Variants in SYNDIG1 observed in about 807,000 individuals in gnomAD.
SYNDIG1 encodes synapse differentiation-inducing gene protein 1.
In SYNDIG1, 9 loss-of-function variants were observed where a neutral mutation model predicts 19.4. The observed-to-expected ratio is 0.46, with a 90% CI of 0.28 to 0.81. The LOEUF (loss-of-function observed/expected upper bound fraction) is 0.81, where lower values mean the gene tolerates loss of function less well. Among genes scored for constraint, SYNDIG1 ranks in the 30% least tolerant of loss-of-function variants. SYNDIG1 has a pLI of 0.12. For missense variants in SYNDIG1, 311 were observed against 343.3 expected, an observed-to-expected ratio of 0.91 and a Z score of 0.74; for synonymous variants, 141 against 145.9, an observed-to-expected ratio of 0.97 and a Z score of 0.24.
At chr20:24,601,358 T>C (rs544855209) in intron 3 of SYNDIG1, among the ~76,000 whole-genome samples, 112 of 152,350 alleles carry the variant, frequency 7.4e-4, no homozygotes, top group Non-Finnish European at 1.3e-3. Context: ...TTCTGTTCTC[T>C]GAACATTTAT....
intron 1 of SYNDIG1, among the ~76,000 whole-genome samples, chr20:24,529,405 A>C (rs1255661958): frequency 6.6e-6 from 1 of 151,670 alleles, no homozygotes; most frequent in African/African-American, 2.4e-5. Flanking sequence ...GGAATCAGTA[A>C]AATTTTTCTG....
intron 3 of SYNDIG1, among the ~76,000 whole-genome samples, chr20:24,591,806 A>G (rs1045208388): frequency 6.6e-6 from 1 of 152,202 alleles, no homozygotes; most frequent in Non-Finnish European, 1.5e-5. Context: ...CGGTGCCCCC[A>G]CCATCAATGC....
At chr20:24,485,047 C>T (rs1171242595) in intron 1 of SYNDIG1, among the ~76,000 whole-genome samples, 1 of 152,062 alleles carries the variant, frequency 6.6e-6, no homozygotes, top group Non-Finnish European at 1.5e-5. Flanking sequence ...GTCTCTTTCC[C>T]TGCGTTTACA....
intron 2 of SYNDIG1, among the ~76,000 whole-genome samples, chr20:24,583,599 G>A (rs1026638253): frequency 6.6e-6 from 1 of 152,204 alleles, no homozygotes; most frequent in Non-Finnish European, 1.5e-5. Flanking sequence ...TTTTGATGAG[G>A]AAAGAGCCCA....
At chr20:24,648,479 A>C (rs1487661041) in intron 3 of SYNDIG1, among the ~76,000 whole-genome samples, 3 of 152,202 alleles carry the variant, frequency 2.0e-5, no homozygotes, top group African/African-American at 7.2e-5. Flanking sequence ...CTGTATCATC[A>C]CACATTTCGG....
At chr20:24,592,786 A>G (rs1052946517) in intron 3 of SYNDIG1, among the ~76,000 whole-genome samples, 1 of 151,932 alleles carries the variant, frequency 6.6e-6, no homozygotes, top group East Asian at 1.9e-4. Flanking sequence ...GCTAATTTCA[A>G]TATTTTGTAG....
chr20:24,597,991 C>A (rs1334425359), intron 3 of SYNDIG1, among the ~76,000 whole-genome samples: 1 of 152,194 alleles, frequency 6.6e-6, no homozygotes, highest in Non-Finnish European at 1.5e-5. Context: ...TGACATCAAT[C>A]GTTTTTTCAG....
chr20:24,542,736 A>G (rs80215967), intron 1 of SYNDIG1, among the ~76,000 whole-genome samples: 3,839 of 152,270 alleles, frequency 0.025, 174 homozygotes, highest in African/African-American at 0.087. Flanking sequence ...CTAGCAATCA[A>G]AGGTTCCTCT....
chr20:24,556,113 G>C (rs1283809822), intron 2 of SYNDIG1, among the ~76,000 whole-genome samples: 1 of 152,014 alleles, frequency 6.6e-6, no homozygotes. Context: ...TTTTATCAGA[G>C]AGTAGGATTG....
intron 2 of SYNDIG1, among the ~76,000 whole-genome samples, chr20:24,559,489 C>G (rs187149318): frequency 8.5e-5 from 13 of 152,178 alleles, no homozygotes; most frequent in Non-Finnish European, 1.9e-4. Flanking sequence ...AACAAACAAA[C>G]GACACAGGAT....
chr20:24,541,001 C>T (rs2146705602), intron 1 of SYNDIG1, among the ~76,000 whole-genome samples: 1 of 152,250 alleles, frequency 6.6e-6, no homozygotes, highest in East Asian at 1.9e-4. Flanking sequence ...TACAATTCAC[C>T]ACTGAAGCCA....
rs567244599 is a variant in SYNDIG1 at position 24,471,711 on chromosome 20, C to T, written c.-79+1958C>T. Among the ~76,000 whole-genome samples the T allele has an allele frequency of 1.6e-4, 25 of 151,866 alleles. No homozygotes were observed. The South Asian group carries it at 5.0e-3, about 30-fold the overall frequency. Reference sequence around the variant, plus strand: ...TGACAGACAGAGAATAGCACTGAAGCTTTGTGTACCCCCCACCCAGTCACC... The same window carrying T: ...TGACAGACAGAGAATAGCACTGAAGTTTTGTGTACCCCCCACCCAGTCACC... On this transcript the variant is annotated intron_variant, in intron 1 of 3. Coordinates refer to ENST00000376862, the MANE Select transcript of SYNDIG1 (RefSeq NM_024893.3).
Position 24,469,643 on chromosome 20 carries a change from C to G in SYNDIG1, c.-189C>G, listed in dbSNP as rs1480833695. On this transcript the variant is annotated 5_prime_UTR_variant, in exon 1 of 4. Coordinates refer to ENST00000376862, the MANE Select transcript of SYNDIG1 (RefSeq NM_024893.3). The stretch of plus-strand genomic sequence containing the variant: ...GAGGGGAGGGCAGAGGAGGAGAGAG[C>G]CTGGCAGCGGAGGAGCAGAGGCGGG... The G allele has an allele frequency of 1.3e-5, 2 of 151,860 alleles. No homozygotes were observed. Among genetic ancestry groups the G allele is most frequent in the African/African-American group, 2.4e-5 (1 of 41,336 alleles). The allele number at this position is 151,860 out of a possible 1,614,324, so 9.4% of individuals were successfully genotyped here.
At chr20:24,521,812 A>T (rs1175046072) in intron 1 of SYNDIG1, among the ~76,000 whole-genome samples, 1 of 151,432 alleles carries the variant, frequency 6.6e-6, no homozygotes, top group Non-Finnish European at 1.5e-5. Flanking sequence ...ACGCAGGAGA[A>T]TCGCTTGAAC....
intron 1 of SYNDIG1, among the ~76,000 whole-genome samples, chr20:24,531,470 G>A (rs1179204933): frequency 2.0e-5 from 3 of 152,110 alleles, no homozygotes; most frequent in Non-Finnish European, 4.4e-5. Context: ...AGGAAAACTA[G>A]TAAGAGAAAG....
At position 24,572,715 on chromosome 20, in the gene SYNDIG1, A is replaced by G. The variant is rs529665042; in HGVS notation, c.481-12141A>G. 2.6e-5 allele frequency among the ~76,000 whole-genome samples: 4 copies of G among 152,334 alleles called. No individual in the cohort carries two copies. In the East Asian group the frequency reaches 7.7e-4, roughly 29 times the overall value. On this transcript the variant is annotated intron_variant, in intron 2 of 3. Transcript: ENST00000376862. ...ATGCACCCCTCCCAGAGCAAGCTGG[A>G]TGGATCTCAAGAGTGGAAAAGGCCA...
At chr20:24,614,670 G>A (rs1390560227) in intron 3 of SYNDIG1, among the ~76,000 whole-genome samples, 1 of 152,084 alleles carries the variant, frequency 6.6e-6, no homozygotes, top group Non-Finnish European at 1.5e-5. Context: ...GAGTCATATG[G>A]GAGGAATGAG....
chr20:24,608,193 AT>A (rs11481343), intron 3 of SYNDIG1, among the ~76,000 whole-genome samples: 227 of 147,828 alleles, frequency 1.5e-3, no homozygotes, highest in Admixed American at 5.2e-3. Context: ...ATTATCTCCT[AT>A]TTTTTTTTTT....
At chr20:24,542,950 G>A (rs1281262476) in intron 1 of SYNDIG1, 70 bp from the exon 2 acceptor site, 3 of 1,214,826 alleles carry the variant, frequency 2.5e-6, no homozygotes, top group Non-Finnish European at 2.3e-6. Flanking sequence ...CTGAAACAAT[G>A]TGGGTCTGGG....
Sources: allele counts gnomAD v4.1 joint callset (sites outside exome capture counted in the v4.1 genomes callset), GRCh38; gene constraint gnomAD v4.1.1; transcripts MANE v1.5; gene names NCBI Gene and HGNC (gene_info 2026-07-23, HGNC 2026-07-21).